The following DNAH9 variants were observed in gnomAD, a reference collection of about 807,000 sequenced individuals.
DNAH9 encodes dynein axonemal heavy chain 9.
DNAH9 carries 345 observed loss-of-function variants against 471.6 expected under a neutral mutation model. The ratio of observed to expected loss-of-function variants is 0.73; its 90% CI spans 0.67 to 0.80. DNAH9 has a LOEUF of 0.80. Among genes scored for constraint, DNAH9 ranks in the 30% least tolerant of loss-of-function variants. The pLI is 0.00. For synonymous variants in DNAH9, 2,093 were observed against 2,123.6 expected, an observed-to-expected ratio of 0.99 and a Z score of 0.40; for missense variants, 5,407 against 5,609.2, an observed-to-expected ratio of 0.96 and a Z score of 1.15.
chr17:11,635,333 A>ATTTT (rs746022574), intron 8 of DNAH9, among the ~76,000 whole-genome samples: 52 of 94,660 alleles, frequency 5.5e-4, no homozygotes, highest in Non-Finnish European at 1.1e-3. Flanking sequence ...TGACTCGCTA[A>ATTTT]TTTTTTTTTT....
At chr17:11,943,714 T>C (rs930680022) in intron 67 of DNAH9, among the ~76,000 whole-genome samples, 2 of 152,120 alleles carry the variant, frequency 1.3e-5, no homozygotes, top group Non-Finnish European at 2.9e-5. Flanking sequence ...GTTAGGGTTT[T>C]TTTTGTTTAA....
intron 4 of DNAH9, chr17:11,612,170 C>T: frequency 2.1e-6 from 1 of 481,984 alleles, no homozygotes; most frequent in East Asian, 4.0e-5. Context: ...CCAGGACATA[C>T]AGTTCTGGGG....
chr17:11,663,311 G>C (rs1366080144), intron 14 of DNAH9, among the ~76,000 whole-genome samples: 2 of 152,186 alleles, frequency 1.3e-5, no homozygotes, highest in Admixed American at 6.5e-5. Context: ...CTCAAGAGGA[G>C]CCAGCCCCGA....
intron 38 of DNAH9, among the ~76,000 whole-genome samples, chr17:11,775,723 G>C (rs1273679783): frequency 6.8e-6 from 1 of 146,788 alleles, no homozygotes; most frequent in Non-Finnish European, 1.5e-5. Flanking sequence ...TCCTGCCTCA[G>C]CCTCCCAAGT....
chr17:11,953,119 A>G (rs1018540939), intron 67 of DNAH9, among the ~76,000 whole-genome samples: 1 of 152,144 alleles, frequency 6.6e-6, no homozygotes, highest in Non-Finnish European at 1.5e-5. Context: ...TAAAGACTCT[A>G]TTTCCAATAC....
intron 31 of DNAH9, among the ~76,000 whole-genome samples, chr17:11,745,644 T>G (rs2075512894): frequency 6.6e-6 from 1 of 152,096 alleles, no homozygotes; most frequent in Non-Finnish European, 1.5e-5. Flanking sequence ...AAGAGAATAT[T>G]CTTCAAGTTA....
chr17:11,822,221 CTCA>C (rs2150940934), intron 46 of DNAH9, among the ~76,000 whole-genome samples, 159 bp downstream of exon 46: 1 of 152,334 alleles, frequency 6.6e-6, no homozygotes, highest in African/African-American at 2.4e-5. Context: ...GGACACCCTT[CTCA>C]TCTGCTTTAA....
chr17:11,842,825 G>C, intron 49 of DNAH9, among the ~76,000 whole-genome samples: 1 of 152,096 alleles, frequency 6.6e-6, no homozygotes, highest in East Asian at 1.9e-4. Flanking sequence ...GCCTCTCCCA[G>C]TCCACTGACT....
intron 67 of DNAH9, among the ~76,000 whole-genome samples, chr17:11,960,303 G>T (rs1302019698): frequency 2.0e-5 from 3 of 151,012 alleles, no homozygotes; most frequent in African/African-American, 7.3e-5. Flanking sequence ...GGGTGTGGTG[G>T]TGGGCGCCTG....
Position 11,689,597 on chromosome 17 carries a change from G to A in DNAH9, c.3775G>A (p.Asp1259Asn). The change falls in exon 20 of 69, where the codon GAT becomes AAT. Residue 1259 changes from aspartate to asparagine, a missense_variant. Transcript: ENST00000262442. The stretch of plus-strand genomic sequence containing the variant: ...TAGCATCCACCCTCATCAAATGCTG[G>A]ATGCCAGGCACATCGAGATCCAGCA... ...FDSIHPHQML[D>N]ARHIEIQQME... is the part of the protein sequence containing the mutation. The A allele has an allele frequency of 4.3e-6, 7 of 1,613,890 alleles. No individual in the cohort carries two copies. Among genetic ancestry groups the A allele is most frequent in the Non-Finnish European group, 5.9e-6 (7 of 1,179,912 alleles).
intron 17 of DNAH9, among the ~76,000 whole-genome samples, chr17:11,670,411 C>G (rs1233026965): frequency 6.6e-6 from 1 of 152,158 alleles, no homozygotes; most frequent in Non-Finnish European, 1.5e-5. Flanking sequence ...CAGATACCCA[C>G]CACAATTAGA....
intron 68 of DNAH9, among the ~76,000 whole-genome samples, chr17:11,968,821 A>T (rs1976955424): frequency 1.3e-5 from 2 of 152,222 alleles, no homozygotes; most frequent in African/African-American, 4.8e-5. Flanking sequence ...GATAGAATGT[A>T]GCCCTCTCCA....
At chr17:11,754,520 T>C (rs1041147013) in intron 33 of DNAH9, among the ~76,000 whole-genome samples, 6 of 152,222 alleles carry the variant, frequency 3.9e-5, no homozygotes, top group Non-Finnish European at 8.8e-5. Context: ...ATAATAGCAA[T>C]TCTGACTGGT....
At chr17:11,941,801 T>C (rs1200140270) in intron 66 of DNAH9, among the ~76,000 whole-genome samples, 1 of 151,660 alleles carries the variant, frequency 6.6e-6, no homozygotes, top group Admixed American at 6.7e-5. Flanking sequence ...TAGATAGATA[T>C]TGTATATAAC....
At chr17:11,933,086 T>C (rs921840955) in intron 64 of DNAH9, among the ~76,000 whole-genome samples, 4 of 152,164 alleles carry the variant, frequency 2.6e-5, no homozygotes, top group African/African-American at 4.8e-5. Flanking sequence ...TTGCTGGCTT[T>C]CCTCCAGTGA....
At chr17:11,700,033 C>T (rs1259363717) in intron 23 of DNAH9, 150 bp downstream of exon 23, 3 of 733,440 alleles carry the variant, frequency 4.1e-6, no homozygotes, top group Admixed American at 5.7e-5. Flanking sequence ...TTGACTTGAA[C>T]TGATGTTGGA....
chr17:11,607,987 G>T (rs896291991), intron 1 of DNAH9, 142 bp from the exon 2 acceptor site: 1 of 591,896 alleles, frequency 1.7e-6, no homozygotes, highest in Non-Finnish European at 2.9e-6. Flanking sequence ...CGTATGTAAT[G>T]TTCGACCCTA....
intron 19 of DNAH9, among the ~76,000 whole-genome samples, chr17:11,684,183 T>C (rs1452679975): frequency 6.6e-6 from 1 of 152,192 alleles, no homozygotes; most frequent in Non-Finnish European, 1.5e-5. Flanking sequence ...GGATGCAAGT[T>C]TCTGCTCCTG....
rs1444126620 is a variant in DNAH9 at position 11,623,706 on chromosome 17, G to C, written c.1350+3925G>C. On this transcript the variant is annotated intron_variant, in intron 6 of 68. Coordinates refer to ENST00000262442, the MANE Select transcript of DNAH9 (RefSeq NM_001372.4). The surrounding 1 kb of genome is among the most constrained non-coding windows in gnomAD (Gnocchi z 4.1). Reference sequence around the variant, plus strand: ...TCCAGTAAGAATTATCATGAACTTAGCCTTATTCATCTTCTATTCTAATAC... The same window carrying C: ...TCCAGTAAGAATTATCATGAACTTACCCTTATTCATCTTCTATTCTAATAC... Among the ~76,000 whole-genome samples the C allele has an allele frequency of 2.0e-5, 3 of 152,142 alleles. No individual in the cohort carries two copies. The highest frequency in any genetic ancestry group is 4.4e-5 in the Non-Finnish European group (3 of 68,040).
Sources: allele counts gnomAD v4.1 joint callset (sites outside exome capture counted in the v4.1 genomes callset), GRCh38; gene constraint gnomAD v4.1.1; non-coding constraint Gnocchi (gnomAD v3.1); transcripts MANE v1.5; gene names NCBI Gene and HGNC (gene_info 2026-07-23, HGNC 2026-07-21).